Variants in KIFAP3 observed in about 807,000 individuals in gnomAD.
KIFAP3 encodes kinesin-associated protein 3.
In KIFAP3, 68 loss-of-function variants were observed where a neutral mutation model predicts 106.5. That is an observed-to-expected ratio of 0.64 (90% CI 0.53 to 0.78). The LOEUF (loss-of-function observed/expected upper bound fraction) is 0.78, where lower values mean the gene tolerates loss of function less well. KIFAP3 is among the 30% of genes least tolerant of loss of function. The pLI is 0.00. For synonymous variants in KIFAP3, 320 were observed against 311.5 expected (o/e 1.03, Z -0.29); for missense variants, 780 against 941.8 (o/e 0.83, Z 2.25).
Position 169,954,058 on chromosome 1 carries a change from G to C in KIFAP3, c.2226C>G (p.Tyr742Ter), listed in dbSNP as rs375485879. ...GAISPDFFND[Y>*]HLQNGDVVGQ... is the part of the protein sequence containing the mutation. ...CAACAACATCTCCATTTTGAAGGTG[G>C]TAATCATTGAAGAAATCGGGACTTA... is the stretch of plus-strand genomic sequence containing the variant. Residue 742 changes from tyrosine to a stop codon, truncating the protein, a stop_gained, in exon 19 of 20, where the codon TAC becomes TAG. Transcript: ENST00000361580. LOFTEE classifies it high-confidence loss of function. 2 of 1,613,480 alleles carry C rather than the reference G, an allele frequency of 1.2e-6. No individual in the cohort carries two copies.
chr1:169,999,080 A>T lies in KIFAP3; in HGVS notation c.1184-6825T>A, dbSNP rs566188337. On this transcript the variant is annotated intron_variant, in intron 10 of 19. Coordinates refer to ENST00000361580, the MANE Select transcript of KIFAP3 (RefSeq NM_014970.4). The stretch of plus-strand genomic sequence containing the variant: ...ACTTAAAGGCTAATTTGCAGATCAC[A>T]TAGCAATAAACAGCTATTAGAGAGA... 2.6e-5 allele frequency among the ~76,000 whole-genome samples: 4 copies of T among 152,340 alleles called. No homozygotes were observed. The South Asian group carries it at 8.3e-4, about 32-fold the overall frequency.
intron 10 of KIFAP3, among the ~76,000 whole-genome samples, chr1:170,008,570 A>G (rs1668088935): frequency 6.6e-6 from 1 of 152,240 alleles, no homozygotes; most frequent in South Asian, 2.1e-4. Context: ...CCACAATGAG[A>G]TATCATCTTA....
At chr1:169,995,902 A>G (rs1215778954) in intron 10 of KIFAP3, among the ~76,000 whole-genome samples, 2 of 152,102 alleles carry the variant, frequency 1.3e-5, no homozygotes, top group Non-Finnish European at 2.9e-5. Context: ...ATATACATGT[A>G]TGTATACATA....
At chr1:169,942,908 A>ACG (rs1664211340) in intron 19 of KIFAP3, among the ~76,000 whole-genome samples, 1 of 26,810 alleles carries the variant, frequency 3.7e-5, no homozygotes, top group African/African-American at 1.1e-4. Flanking sequence ...AGTTTTAAAG[A>ACG]CGCCCCCCCC....
intron 9 of KIFAP3, among the ~76,000 whole-genome samples, chr1:170,019,394 A>G (rs1294121801): frequency 1.3e-5 from 2 of 152,150 alleles, no homozygotes; most frequent in Non-Finnish European, 2.9e-5. Context: ...AAACTATAGA[A>G]TAATGCCTCA....
chr1:170,009,524 C>T (rs991688064), intron 10 of KIFAP3, among the ~76,000 whole-genome samples: 4 of 152,054 alleles, frequency 2.6e-5, no homozygotes, highest in East Asian at 1.9e-4. Flanking sequence ...ATTTCAATTG[C>T]GTATTTTATG....
At chr1:170,068,803 T>C (rs1185896708) in intron 1 of KIFAP3, 2 of 151,468 alleles carry the variant, frequency 1.3e-5, no homozygotes, top group Non-Finnish European at 2.9e-5. Flanking sequence ...AATAAAAGAT[T>C]TTGAATTAAT....
chr1:169,990,138 T>A, intron 11 of KIFAP3: 1 of 1,502,386 alleles, frequency 6.7e-7, no homozygotes, highest in South Asian at 1.2e-5. Context: ...CAGTGCATAT[T>A]TACAAGAAGC....
chr1:170,041,715 G>C, intron 3 of KIFAP3: 1 of 1,535,220 alleles, frequency 6.5e-7, no homozygotes. Flanking sequence ...AACAGTTTCT[G>C]AATCTGAAAG....
At chr1:169,989,000 AT>A (rs1281788766) in intron 11 of KIFAP3, among the ~76,000 whole-genome samples, 10 of 152,008 alleles carry the variant, frequency 6.6e-5, no homozygotes, top group African/African-American at 2.4e-4. Context: ...GACCTCCTAA[AT>A]TTGGGAAATA....
At chr1:170,030,781 T>G (rs1481810274) in intron 8 of KIFAP3, among the ~76,000 whole-genome samples, 1 of 151,698 alleles carries the variant, frequency 6.6e-6, no homozygotes, top group Non-Finnish European at 1.5e-5. Context: ...GACTTGGGAA[T>G]GAGGAAGAAG....
Position 169,998,395 on chromosome 1 carries a change from T to TAC in KIFAP3, c.1184-6141_1184-6140insGT, listed in dbSNP as rs1470341374. Among the ~76,000 whole-genome samples, 600 of 81,304 alleles carry TAC rather than the reference T, an allele frequency of 7.4e-3. 4 individuals are homozygous for TAC. Among genetic ancestry groups the TAC allele is most frequent in the African/African-American group, 0.031 (529 of 16,812 alleles). 53.3% of individuals were successfully genotyped at this position (81,304 alleles called of 152,430 possible). ...GTGCTTCACCAGATATATATATATA[T>TAC]ATATACACACACACACACACACACA... On this transcript the variant is annotated intron_variant, in intron 10 of 19. Coordinates refer to ENST00000361580, the MANE Select transcript of KIFAP3 (RefSeq NM_014970.4).
chr1:169,956,320 T>C (rs993294646), intron 18 of KIFAP3, among the ~76,000 whole-genome samples: 1 of 152,254 alleles, frequency 6.6e-6, no homozygotes, highest in African/African-American at 2.4e-5. Context: ...AAATATGACA[T>C]AGTGAAGTGA....
At chr1:169,952,261 A>G (rs909473440) in intron 19 of KIFAP3, among the ~76,000 whole-genome samples, 7 of 152,042 alleles carry the variant, frequency 4.6e-5, no homozygotes, top group African/African-American at 1.2e-4. Flanking sequence ...TAATACTCCT[A>G]TGATTTTCCA....
At chr1:170,060,827 A>T (rs955884071) in intron 1 of KIFAP3, among the ~76,000 whole-genome samples, 1 of 152,196 alleles carries the variant, frequency 6.6e-6, no homozygotes, top group African/African-American at 2.4e-5. Flanking sequence ...AGACCAATGG[A>T]ACAGAACAGA....
In KIFAP3 at chr1:170,081,055, G is replaced by A. The variant is rs116809435; in HGVS notation, n.174+3980C>T. 8.1e-3 allele frequency among the ~76,000 whole-genome samples: 1,238 copies of A among 152,078 alleles called. 22 individuals carry two copies. The highest frequency in any genetic ancestry group is 0.027 in the African/African-American group (1,133 of 41,480). On this transcript the variant is annotated intron_variant and non_coding_transcript_variant, in intron 1 of 5. Transcript: ENST00000490550. ...AATTTAGAAAACTTAAGAGAAGGAA[G>A]GTCTATCACCAAAATTTAAAACTTC...
At chr1:169,972,708 C>T (rs1665982697) in intron 16 of KIFAP3, 110 bp from the exon 17 acceptor site, 1 of 517,966 alleles carries the variant, frequency 1.9e-6, no homozygotes, top group Admixed American at 3.9e-5. Context: ...GAAATATAAC[C>T]CAAATTTTAA....
chr1:170,025,241 C>T (rs757311107), intron 8 of KIFAP3, among the ~76,000 whole-genome samples: 6 of 152,100 alleles, frequency 3.9e-5, no homozygotes, highest in Non-Finnish European at 8.8e-5. Context: ...AATAAAAATG[C>T]TTAGGTTCTC....
intron 1 of KIFAP3, among the ~76,000 whole-genome samples, chr1:170,082,375 C>G (rs1423070877): frequency 6.6e-6 from 1 of 151,934 alleles, no homozygotes; most frequent in Non-Finnish European, 1.5e-5. Context: ...AAAAGCACAC[C>G]CCGATCTATT....
Sources: gnomAD v4.1 joint callset for allele counts (sites outside exome capture counted in the v4.1 genomes callset) on GRCh38, gnomAD v4.1.1 for gene constraint, MANE v1.5 for transcripts, NCBI Gene and HGNC (gene_info 2026-07-23, HGNC 2026-07-21) for gene names.